The following RFESD variants were observed in gnomAD, a reference collection of about 807,000 sequenced individuals.
RFESD encodes the protein Rieske domain-containing protein.
RFESD carries 16 observed loss-of-function variants against 24.4 expected under a neutral mutation model. The observed-to-expected ratio is 0.66, with a 90% CI of 0.44 to 1.00. The LOEUF is 1.00. RFESD is among the 50% of genes least tolerant of loss of function. The pLI, the probability that RFESD is intolerant of heterozygous loss-of-function variation, is 0.00. For missense variants in RFESD, 208 were observed against 247.0 expected (o/e 0.84, Z 1.06); for synonymous variants, 59 against 81.8 (o/e 0.72, Z 1.50).
chr5:95,653,288 G>C, intron 3 of RFESD, 74 bp downstream of exon 3: 1 of 1,540,492 alleles, frequency 6.5e-7, no homozygotes, highest in Non-Finnish European at 8.7e-7. Flanking sequence ...GCCTGTAAGA[G>C]CCAACTGTGT....
rs759646970 is a variant in RFESD, at chr5:95,653,959, A to C, written c.159-102A>C. On this transcript the variant is annotated intron_variant, in intron 3 of 5. Coordinates refer to ENST00000380005, the MANE Select transcript of RFESD (RefSeq NM_001131066.2). ...ATAGCTACAGAAAGTGCCTCCATTA[A>C]TCTTGAAAAGTCCGAACTATTCATT... 2.7e-5 allele frequency: 22 copies of C among 822,510 alleles called. No homozygotes were observed. The South Asian group carries it at 3.1e-4, about 12-fold the overall frequency. 51.0% of individuals were successfully genotyped at this position (822,510 alleles called of 1,614,324 possible). A position where few individuals can be genotyped will look rare whatever the true frequency, so the allele number is the denominator to read the frequency against.
intron 5 of RFESD, among the ~76,000 whole-genome samples, chr5:95,655,099 A>G (rs1240676911): frequency 6.6e-6 from 1 of 151,652 alleles, no homozygotes; most frequent in Non-Finnish European, 1.5e-5. Context: ...TTAGCATTCC[A>G]CTCTCTCTAC....
chr5:95,655,860 A>G, intron 5 of RFESD, 186 bp from the exon 6 acceptor site: 5 of 557,196 alleles, frequency 9.0e-6, no homozygotes, highest in Non-Finnish European at 1.2e-5. Flanking sequence ...TTTCTAATCA[A>G]CTGTAAAAGA....
intron 3 of RFESD, 131 bp from the exon 4 acceptor site, chr5:95,653,930 T>C (rs908244582): frequency 1.1e-5 from 7 of 631,334 alleles, no homozygotes; most frequent in South Asian, 4.5e-5. Context: ...TATAAATGTT[T>C]TATATAGCTA....
At chr5:95,654,494 A>G in intron 5 of RFESD, 127 bp downstream of exon 5, 1 of 685,238 alleles carries the variant, frequency 1.5e-6, no homozygotes, top group African/African-American at 1.8e-5. Context: ...AATTCATAAG[A>G]TAAATGAGAA....
rs1177708876 is a variant in RFESD at position 95,656,029 on chromosome 5, G to A, written c.370-17G>A. On this transcript the variant is annotated splice_polypyrimidine_tract_variant and intron_variant, in intron 5 of 5. Transcript: ENST00000380005. The stretch of plus-strand genomic sequence containing the variant: ...TTTGACATGTCAGAATATTAAATGA[G>A]TTATTCTCTTCCCCAGGATTTTGAT... The A allele has an allele frequency of 1.2e-6, 2 of 1,609,032 alleles. No homozygotes were observed. Among genetic ancestry groups the A allele is most frequent in the South Asian group, 1.1e-5 (1 of 90,440 alleles).
At chr5:95,646,886 G>C (rs1377814623) in intron 1 of RFESD, 69 bp downstream of exon 1, 1 of 152,520 alleles carries the variant, frequency 6.6e-6, no homozygotes. Flanking sequence ...GGCTGCGGGC[G>C]TGGACTCCTC....
chr5:95,651,206 G>C (rs1750319863), intron 1 of RFESD, among the ~76,000 whole-genome samples: 1 of 151,890 alleles, frequency 6.6e-6, no homozygotes, highest in Non-Finnish European at 1.5e-5. Context: ...ATCAAGGAAA[G>C]GTACATTATC....
intron 1 of RFESD, chr5:95,647,209 T>G (rs1179152948): frequency 6.6e-6 from 1 of 152,254 alleles, no homozygotes; most frequent in Non-Finnish European, 1.5e-5. Context: ...TTGCAGCACC[T>G]GGACAGCCAC....
intron 5 of RFESD, among the ~76,000 whole-genome samples, chr5:95,655,151 ATG>A (rs1389287854): frequency 1.3e-5 from 2 of 152,172 alleles, no homozygotes; most frequent in African/African-American, 2.4e-5. Flanking sequence ...TAAAGAACGT[ATG>A]TGTGTTTATT....
chr5:95,647,719 T>C (rs1444518784), intron 1 of RFESD: 1 of 152,172 alleles, frequency 6.6e-6, no homozygotes, highest in Non-Finnish European at 1.5e-5. Flanking sequence ...TATACATATT[T>C]GCTTTGCTAA....
Position 95,656,508 on chromosome 5 carries a change from C to T in RFESD, c.*199C>T, listed in dbSNP as rs1209882951. 3.0e-5 allele frequency: 15 copies of T among 498,784 alleles called. No homozygotes were observed. In the East Asian group the frequency reaches 3.9e-4, roughly 13 times the overall value. The allele number at this position is 498,784 out of a possible 1,614,324, so 30.9% of individuals were successfully genotyped here. ...TCAGGATCAATAGAATACATTTTAT[C>T]GAATCTTCTGGATTAATTAGAAACC... On this transcript the variant is annotated 3_prime_UTR_variant, in exon 6 of 6. Coordinates refer to ENST00000380005, the MANE Select transcript of RFESD (RefSeq NM_001131066.2).
chr5:95,652,314 T>G lies in RFESD; in HGVS notation c.43T>G (p.Ser15Ala). The G allele has an allele frequency of 6.4e-7, 1 of 1,551,094 alleles. No homozygotes were observed. Among genetic ancestry groups the G allele is most frequent in the Non-Finnish European group, 8.7e-7 (1 of 1,146,608 alleles). ...FRNCLRPSSL[S>A]TLPLQYGILF... ...GAATTGTCTTAGACCTTCTTCCTTATCTACACTTCCTCTCCAAGTGAGTCC... is the reference window on the plus strand; with the variant it reads ...GAATTGTCTTAGACCTTCTTCCTTAGCTACACTTCCTCTCCAAGTGAGTCC... The change falls in exon 2 of 6, where the codon TCT becomes GCT. Residue 15 changes from serine to alanine, a missense_variant. Transcript: ENST00000380005.
chr5:95,652,144 C>T lies in RFESD; in HGVS notation c.-128C>T. On this transcript the variant is annotated 5_prime_UTR_variant, in exon 2 of 6. Coordinates refer to ENST00000380005, the MANE Select transcript of RFESD (RefSeq NM_001131066.2). ...CTGCCTTTTTTTTTCCAGGTTACCACCTATTTGCAATTCAAGGAGAATATA... is the reference window on the plus strand; with the variant it reads ...CTGCCTTTTTTTTTCCAGGTTACCATCTATTTGCAATTCAAGGAGAATATA... 1 of 1,233,228 alleles carries T rather than the reference C, an allele frequency of 8.1e-7. No individual in the cohort carries two copies. Among genetic ancestry groups the T allele is most frequent in the Non-Finnish European group, 1.1e-6 (1 of 933,520 alleles). 76.4% of individuals were successfully genotyped at this position (1,233,228 alleles called of 1,614,324 possible).
intron 3 of RFESD, 108 bp from the exon 4 acceptor site, chr5:95,653,953 C>T: frequency 4.1e-6 from 3 of 733,896 alleles, no homozygotes; most frequent in Non-Finnish European, 6.7e-6. Flanking sequence ...GAAAGTGCCT[C>T]CATTAATCTT....
chr5:95,655,793 C>T (rs921325029), intron 5 of RFESD, among the ~76,000 whole-genome samples: 4 of 152,182 alleles, frequency 2.6e-5, no homozygotes, highest in Admixed American at 6.5e-5. Context: ...AGCACAGCTG[C>T]AGTCACATGG....
rs1750780117 is a variant in RFESD, at chr5:95,656,614, G to A, written c.*305G>A. On this transcript the variant is annotated 3_prime_UTR_variant, in exon 6 of 6. Transcript: ENST00000380005. ...TAAACAAATAATAGGTAAAAATTAA[G>A]GATTAGTAAGAAAAAATTTTTTAAT... is the stretch of plus-strand genomic sequence containing the variant. 1 of 180,190 alleles carries A rather than the reference G, an allele frequency of 5.5e-6. No individual in the cohort carries two copies. The highest frequency in any genetic ancestry group is 1.1e-5 in the Non-Finnish European group (1 of 87,522). The allele number at this position is 180,190 out of a possible 1,614,324, so 11.2% of individuals were successfully genotyped here.
intron 1 of RFESD, chr5:95,647,368 T>C (rs1750149683): frequency 6.6e-6 from 1 of 152,230 alleles, no homozygotes; most frequent in East Asian, 1.9e-4. Flanking sequence ...TCTAAACATT[T>C]GACATGTGTT....
intron 5 of RFESD, among the ~76,000 whole-genome samples, chr5:95,655,777 G>A (rs976745729): frequency 5.3e-5 from 8 of 152,176 alleles, no homozygotes; most frequent in African/African-American, 2.4e-5. Context: ...ACATCTAATA[G>A]ATAACAGCAC....
Sources: allele counts gnomAD v4.1 joint callset (sites outside exome capture counted in the v4.1 genomes callset), GRCh38; gene constraint gnomAD v4.1.1; transcripts MANE v1.5; gene names NCBI Gene and HGNC (gene_info 2026-07-23, HGNC 2026-07-21).